The following AKNAD1 variants were observed in gnomAD, a reference collection of about 807,000 sequenced individuals.
AKNAD1 encodes protein AKNAD1.
Under a neutral mutation model 90.8 loss-of-function variants are expected in AKNAD1, and 67 were observed. The observed-to-expected ratio is 0.74, with a 90% CI of 0.61 to 0.90. The LOEUF is 0.90. AKNAD1 is among the 40% of genes least tolerant of loss of function. The pLI is 0.00. For missense variants in AKNAD1, 957 were observed against 975.4 expected (o/e 0.98, Z 0.25); for synonymous variants, 327 against 341.4 (o/e 0.96, Z 0.46).
chr1:108,838,639 AT>A (rs1176980514), intron 6 of AKNAD1, among the ~76,000 whole-genome samples: 4 of 152,156 alleles, frequency 2.6e-5, no homozygotes, highest in African/African-American at 9.6e-5. Flanking sequence ...AATTTGATCA[AT>A]AAGATAAAAC....
chr1:108,824,019 GT>G (rs1663911600), intron 11 of AKNAD1, among the ~76,000 whole-genome samples: 1 of 152,190 alleles, frequency 6.6e-6, no homozygotes, highest in Admixed American at 6.5e-5. Context: ...ATTTGTATTT[GT>G]TTTTCCATAG....
At chr1:108,846,511 G>C (rs940256989) in intron 5 of AKNAD1, among the ~76,000 whole-genome samples, 1 of 151,958 alleles carries the variant, frequency 6.6e-6, no homozygotes, top group African/African-American at 2.4e-5. Context: ...TCAAAACCAG[G>C]CTTGCCAAAG....
In AKNAD1 at chr1:108,848,452, T is replaced by C. The variant is rs1149143; in HGVS notation, c.1245+300A>G. Among the ~76,000 whole-genome samples, 128,695 of 152,164 alleles carry C rather than the reference T, an allele frequency of 0.85. 54,676 individuals carry two copies. The highest frequency in any genetic ancestry group is 0.89 in the South Asian group (4,287 of 4,828). On this transcript the variant is annotated intron_variant, in intron 5 of 15. Transcript: ENST00000370001. ...ACCCATCAACTGCGGACAGGCCCAC[T>C]CTTTATAACTGATTATGGGTTCTTC...
intron 11 of AKNAD1, among the ~76,000 whole-genome samples, chr1:108,824,639 G>T (rs1482887068): frequency 1.3e-5 from 2 of 151,558 alleles, no homozygotes; most frequent in South Asian, 2.1e-4. Flanking sequence ...TTGAGCCAAG[G>T]TTTCATTCTG....
chr1:108,820,676 A>G, intron 13 of AKNAD1, 50 bp from the exon 14 acceptor site: 1 of 1,047,076 alleles, frequency 9.6e-7, no homozygotes, highest in East Asian at 2.4e-5. Flanking sequence ...AATGAGCCCC[A>G]AATGGTGCCT....
At chr1:108,816,894 G>A (rs1473122210) in intron 15 of AKNAD1, 154 bp downstream of exon 15, 31 of 813,340 alleles carry the variant, frequency 3.8e-5, no homozygotes, top group Non-Finnish European at 5.8e-5. Context: ...CTGAGGCTGT[G>A]TGTCTTTAGC....
In AKNAD1 at chr1:108,834,519, G is replaced by A. The variant is rs144829009; in HGVS notation, c.1674C>T (p.Asn558=). 85 of 1,576,108 alleles carry A rather than the reference G, an allele frequency of 5.4e-5. 1 individual carries two copies. Among genetic ancestry groups the A allele is most frequent in the African/African-American group, 3.8e-4 (25 of 66,498 alleles). ...LCELAPQTYL[N]GHYGDAAAQN... ...GGGCAGCTGCATCTCCATAATGACC[G>A]TTTAGGTAACTAATTTAAAAAAAAA... is the stretch of plus-strand genomic sequence containing the variant. Residue 558 remains asparagine (N), a synonymous_variant, in exon 9 of 16, where the codon AAC becomes AAT. Transcript: ENST00000370001.
At position 108,848,799 on chromosome 1, in the gene AKNAD1, T is replaced by G; in HGVS notation, c.1198A>C (p.Lys400Gln). The G allele has an allele frequency of 6.2e-7, 1 of 1,610,792 alleles. No individual in the cohort carries two copies. Among genetic ancestry groups the G allele is most frequent in the Non-Finnish European group, 8.5e-7 (1 of 1,179,294 alleles). ...TAAGGAGAGTCCTGTTTTATTCTTT[T>G]GGAAAATTCTTGTACCTGCAGTGAA... Reference protein sequence around the residue: ...QLKTKVQEFSKRIKQDSPYHL... With the variant: ...QLKTKVQEFSQRIKQDSPYHL... Residue 400 changes from lysine to glutamine, a missense_variant, in exon 5 of 16, where the codon AAA (lysine) becomes CAA (glutamine). Physicochemically the swap from Lys to Gln is moderately conservative, Grantham distance 53 (BLOSUM62 1). Transcript: ENST00000370001.
At chr1:108,845,721 A>G (rs77134032) in intron 5 of AKNAD1, among the ~76,000 whole-genome samples, 7 of 152,162 alleles carry the variant, frequency 4.6e-5, no homozygotes, top group Admixed American at 4.6e-4. Context: ...AGACCTGACT[A>G]AACTGGGGAA....
At chr1:108,828,455 C>G (rs1486252253) in intron 10 of AKNAD1, among the ~76,000 whole-genome samples, 1 of 151,742 alleles carries the variant, frequency 6.6e-6, no homozygotes, top group Admixed American at 6.6e-5. Context: ...TCCTGGGATA[C>G]AGTCATAGCC....
chr1:108,831,757 G>A (rs1664205624), intron 9 of AKNAD1, among the ~76,000 whole-genome samples: 1 of 151,594 alleles, frequency 6.6e-6, no homozygotes, highest in African/African-American at 2.4e-5. Flanking sequence ...CCCCCAAGTA[G>A]CTGGGATTAC....
intron 7 of AKNAD1, 91 bp downstream of exon 7, chr1:108,837,459 T>G: frequency 8.0e-7 from 1 of 1,249,318 alleles, no homozygotes; most frequent in Non-Finnish European, 1.1e-6. Flanking sequence ...ATATTAAAAA[T>G]GGAATTCAGT....
At chr1:108,823,729 T>C in intron 11 of AKNAD1, 41 bp from the exon 12 acceptor site, 4 of 1,613,348 alleles carry the variant, frequency 2.5e-6, no homozygotes, top group Middle Eastern at 1.7e-4. Context: ...GTAAGTGTCT[T>C]GATTATAGTC....
At chr1:108,823,815 C>T (rs999973279) in intron 11 of AKNAD1, 127 bp from the exon 12 acceptor site, 2 of 1,443,618 alleles carry the variant, frequency 1.4e-6, no homozygotes, top group African/African-American at 1.4e-5. Flanking sequence ...AATGTCCCGG[C>T]TGTGTCACCA....
chr1:108,826,047 G>A (rs1249937611), intron 11 of AKNAD1, among the ~76,000 whole-genome samples: 7 of 151,586 alleles, frequency 4.6e-5, no homozygotes, highest in Non-Finnish European at 7.4e-5. Flanking sequence ...TGGCCCCCCC[G>A]AAAGGGTTTC....
At chr1:108,853,410 C>T (rs1012426725) in intron 1 of AKNAD1, among the ~76,000 whole-genome samples, 3 of 151,406 alleles carry the variant, frequency 2.0e-5, no homozygotes, top group Admixed American at 1.3e-4. Flanking sequence ...GGATTACAGG[C>T]GTGAGCCACC....
chr1:108,849,484 G>T, intron 3 of AKNAD1, 53 bp downstream of exon 3: 1 of 1,218,432 alleles, frequency 8.2e-7, no homozygotes. Context: ...GTCTCAAAAA[G>T]ACAAAAACAA....
At chr1:108,843,950 C>A (rs11579688) in intron 5 of AKNAD1, among the ~76,000 whole-genome samples, 6,324 of 152,250 alleles carry the variant, frequency 0.042, 207 homozygotes, top group Middle Eastern at 0.071. Flanking sequence ...ACTAAACATT[C>A]CCTGAGCACT....
intron 13 of AKNAD1, 40 bp downstream of exon 13, chr1:108,823,330 G>A: frequency 6.9e-7 from 1 of 1,445,708 alleles, no homozygotes; most frequent in Non-Finnish European, 9.7e-7. Flanking sequence ...GGGACATTAG[G>A]TTGTTGATAT....
Sources: gnomAD v4.1 joint callset for allele counts (sites outside exome capture counted in the v4.1 genomes callset) on GRCh38, gnomAD v4.1.1 for gene constraint, MANE v1.5 for transcripts, NCBI Gene and HGNC (gene_info 2026-07-23, HGNC 2026-07-21) for gene names.